The following TSPAN2 variants were observed in gnomAD, a reference collection of about 807,000 sequenced individuals.
TSPAN2 encodes the protein tetraspanin 2.
TSPAN2 carries 24 observed loss-of-function variants against 33.3 expected under a neutral mutation model. The observed-to-expected ratio is 0.72, with a 90% CI of 0.52 to 1.01. The LOEUF (loss-of-function observed/expected upper bound fraction) is 1.01, where lower values mean the gene tolerates loss of function less well. TSPAN2 is among the 50% of genes least tolerant of loss of function. The pLI, the probability that TSPAN2 is intolerant of heterozygous loss-of-function variation, is 0.00. For missense variants in TSPAN2, 278 were observed against 281.3 expected, an observed-to-expected ratio of 0.99 and a Z score of 0.08; for synonymous variants, 114 against 104.5, an observed-to-expected ratio of 1.09 and a Z score of -0.56.
chr1:115,060,399 T>G, intron 4 of TSPAN2, 65 bp downstream of exon 4: 4 of 1,299,298 alleles, frequency 3.1e-6, no homozygotes, highest in Non-Finnish European at 4.4e-6. Flanking sequence ...TTAACACTAT[T>G]GTGGGTATCA....
chr1:115,069,400 G>A (rs1648075943), intron 2 of TSPAN2, among the ~76,000 whole-genome samples: 1 of 152,212 alleles, frequency 6.6e-6, no homozygotes, highest in East Asian at 1.9e-4. Context: ...GGATGGGCAC[G>A]AGGTCCAATA....
intron 2 of TSPAN2, among the ~76,000 whole-genome samples, chr1:115,072,625 G>A (rs3818996): frequency 0.37 from 56,840 of 151,884 alleles, 11,024 homozygotes; most frequent in South Asian, 0.55. Flanking sequence ...AGCACAACAG[G>A]CTGCTCTTAC....
In TSPAN2 at chr1:115,068,429, G is replaced by T. The variant is rs187956091; in HGVS notation, c.172+4476C>A. ...ACCTAGACAAGTGTGTCTTCCTGGG[G>T]TTCCTCTCAGAGAGGAGAGTCAAGG... On this transcript the variant is annotated intron_variant, in intron 2 of 7. Transcript: ENST00000369516. Among the ~76,000 whole-genome samples the T allele has an allele frequency of 5.9e-4, 90 of 152,316 alleles. 2 individuals carry two copies. In the East Asian group the frequency reaches 0.014, roughly 23 times the overall value.
intron 1 of TSPAN2, among the ~76,000 whole-genome samples, chr1:115,088,331 G>A (rs1648923245): frequency 6.6e-6 from 1 of 152,148 alleles, no homozygotes; most frequent in South Asian, 2.1e-4. Flanking sequence ...CTCCAACCTG[G>A]TAGTTTCAAA....
intron 4 of TSPAN2, 102 bp downstream of exon 4, chr1:115,060,357 TTAAAC>T (rs1254890232): frequency 1.6e-5 from 15 of 927,010 alleles, no homozygotes; most frequent in Non-Finnish European, 1.8e-5. Flanking sequence ...AAAGTTCTGT[TTAAAC>T]TATAATAATG....
At chr1:115,069,407 A>G (rs1248757015) in intron 2 of TSPAN2, among the ~76,000 whole-genome samples, 1 of 152,236 alleles carries the variant, frequency 6.6e-6, no homozygotes, top group African/African-American at 2.4e-5. Context: ...CACGAGGTCC[A>G]ATACTGCCAA....
chr1:115,055,187 A>C (rs1647345092), intron 6 of TSPAN2, among the ~76,000 whole-genome samples: 1 of 152,106 alleles, frequency 6.6e-6, no homozygotes, highest in African/African-American at 2.4e-5. Context: ...ACAACACTCG[A>C]GACTGTCCTC....
chr1:115,082,321 G>A (rs533778396), intron 1 of TSPAN2, among the ~76,000 whole-genome samples: 1 of 152,360 alleles, frequency 6.6e-6, no homozygotes, highest in African/African-American at 2.4e-5. Flanking sequence ...TAGACTTGGA[G>A]TGGTTATGAG....
chr1:115,057,460 G>A (rs3820630), intron 6 of TSPAN2, 77 bp downstream of exon 6: 5 of 1,399,058 alleles, frequency 3.6e-6, no homozygotes, highest in South Asian at 2.3e-5. Context: ...GATCCCATCC[G>A]AGATTCTACC....
chr1:115,084,647 T>C (rs549834737), intron 1 of TSPAN2, among the ~76,000 whole-genome samples: 2 of 152,246 alleles, frequency 1.3e-5, no homozygotes, highest in Non-Finnish European at 2.9e-5. Context: ...CCTATCTGCC[T>C]TATGGGCTGG....
chr1:115,073,082 A>G, intron 1 of TSPAN2, 75 bp from the exon 2 acceptor site: 1 of 1,277,162 alleles, frequency 7.8e-7, no homozygotes, highest in South Asian at 1.2e-5. Flanking sequence ...GGCTCTAGGC[A>G]CAGGATGCTG....
chr1:115,074,766 G>C (rs1438460484), intron 1 of TSPAN2, among the ~76,000 whole-genome samples: 1 of 152,082 alleles, frequency 6.6e-6, no homozygotes, highest in African/African-American at 2.4e-5. Flanking sequence ...AGAAAAAGTG[G>C]GGAGAGTCTT....
intron 2 of TSPAN2, 74 bp from the exon 3 acceptor site, chr1:115,062,306 T>G: frequency 6.1e-6 from 7 of 1,146,054 alleles, no homozygotes; most frequent in African/African-American, 1.5e-5. Context: ...CTTAAGACTC[T>G]GGGCACTGCA....
At chr1:115,055,555 G>A (rs766862349) in intron 6 of TSPAN2, among the ~76,000 whole-genome samples, 4 of 151,140 alleles carry the variant, frequency 2.6e-5, no homozygotes, top group Admixed American at 2.0e-4. Context: ...ACAGAGTCTC[G>A]CTCTCTCACC....
At chr1:115,059,019 G>T in intron 4 of TSPAN2, 38 bp from the exon 5 acceptor site, 1 of 1,517,096 alleles carries the variant, frequency 6.6e-7, no homozygotes, top group Non-Finnish European at 9.1e-7. Context: ...ACTTCTGGGT[G>T]GGAAGTTTCA....
At chr1:115,072,561 T>C (rs1648223514) in intron 2 of TSPAN2, among the ~76,000 whole-genome samples, 1 of 152,330 alleles carries the variant, frequency 6.6e-6, no homozygotes, top group East Asian at 1.9e-4. Flanking sequence ...AGTTTTCTCA[T>C]TCTTTGAAAT....
At chr1:115,077,733 T>A (rs1648471132) in intron 1 of TSPAN2, among the ~76,000 whole-genome samples, 1 of 152,240 alleles carries the variant, frequency 6.6e-6, no homozygotes, top group African/African-American at 2.4e-5. Context: ...GCTGATGAGA[T>A]GTCCTATCTT....
intron 4 of TSPAN2, 109 bp downstream of exon 4, chr1:115,060,355 G>A (rs1206787923): frequency 5.5e-6 from 5 of 906,686 alleles, no homozygotes; most frequent in Non-Finnish European, 8.5e-6. Flanking sequence ...AAAAAGTTCT[G>A]TTTAAACTAT....
At chr1:115,079,334 C>T (rs1167047861) in intron 1 of TSPAN2, among the ~76,000 whole-genome samples, 1 of 152,184 alleles carries the variant, frequency 6.6e-6, no homozygotes, top group Non-Finnish European at 1.5e-5. Context: ...TAAGCTAATA[C>T]TTGCTCTTGG....
Sources: allele counts gnomAD v4.1 joint callset (sites outside exome capture counted in the v4.1 genomes callset), GRCh38; gene constraint gnomAD v4.1.1; transcripts MANE v1.5; gene names NCBI Gene and HGNC (gene_info 2026-07-23, HGNC 2026-07-21).